CTIF: variants seen among roughly 807,000 people sequenced by gnomAD.
CTIF encodes the protein cap binding complex dependent translation initiation factor.
Under a neutral mutation model 66.0 loss-of-function variants are expected in CTIF, and 21 were observed. The ratio of observed to expected loss-of-function variants is 0.32; its 90% CI spans 0.23 to 0.46. CTIF has a LOEUF of 0.46. CTIF is among the 20% of genes least tolerant of loss of function. The pLI is 1.00. For synonymous variants in CTIF, 345 were observed against 326.4 expected (o/e 1.06, Z -0.62); for missense variants, 739 against 812.7 (o/e 0.91, Z 1.10).
intron 9 of CTIF, among the ~76,000 whole-genome samples, chr18:48,770,487 G>A (rs1470665395): frequency 6.6e-6 from 1 of 152,270 alleles, no homozygotes; most frequent in Non-Finnish European, 1.5e-5. Context: ...GAGGCTGAGG[G>A]AGCCTTGGAC....
intron 1 of CTIF, among the ~76,000 whole-genome samples, chr18:48,597,782 C>T (rs2090013992): frequency 6.6e-6 from 1 of 152,178 alleles, no homozygotes; most frequent in Non-Finnish European, 1.5e-5. Context: ...AATGGCCTAA[C>T]ACAGGTGGAT....
intron 9 of CTIF, among the ~76,000 whole-genome samples, chr18:48,776,040 C>T (rs9959858): frequency 5.9e-4 from 90 of 152,358 alleles, no homozygotes; most frequent in African/African-American, 2.0e-3. Flanking sequence ...AGTTTCCTGC[C>T]AGCCTTGGGC....
At chr18:48,688,691 C>T (rs1459439788) in intron 6 of CTIF, among the ~76,000 whole-genome samples, 1 of 152,224 alleles carries the variant, frequency 6.6e-6, no homozygotes, top group Non-Finnish European at 1.5e-5. Flanking sequence ...GGTCGCTGGT[C>T]TTCCCACACA....
intron 7 of CTIF, among the ~76,000 whole-genome samples, chr18:48,748,998 C>T (rs1907528642): frequency 6.6e-6 from 1 of 152,192 alleles, no homozygotes; most frequent in Admixed American, 6.5e-5. Context: ...GCCCCTTCTC[C>T]CCAGCCCTCT....
At chr18:48,834,083 G>A (rs1273843131) in intron 10 of CTIF, among the ~76,000 whole-genome samples, 1 of 147,342 alleles carries the variant, frequency 6.8e-6, no homozygotes, top group Non-Finnish European at 1.5e-5. Flanking sequence ...CTCTGTAGAT[G>A]AGGGTCGGCA....
chr18:48,801,635 A>G (rs954231445), intron 9 of CTIF, among the ~76,000 whole-genome samples: 2 of 152,202 alleles, frequency 1.3e-5, no homozygotes, highest in East Asian at 1.9e-4. Context: ...CTCAAATTCT[A>G]TAAATAGCTT....
In CTIF at chr18:48,636,676, C is replaced by A. The variant is rs953323569; in HGVS notation, c.243C>A (p.Pro81=). ...SSCSFSRGRA[P]PQQNGSKDNS... ...GTTCCTTCTCCCGAGGGCGAGCCCC[C>A]CCACAGCAGGTAGGGAACCAGCTCT... is the stretch of plus-strand genomic sequence containing the variant. The change falls in exon 3 of 12, where the codon CCC becomes CCA. Residue 81 remains proline, a synonymous_variant. Coordinates refer to ENST00000256413, the MANE Select transcript of CTIF (RefSeq NM_014772.3). 1.9e-6 allele frequency: 3 copies of A among 1,598,936 alleles called. No homozygotes were observed. The highest frequency in any genetic ancestry group is 2.6e-6 in the Non-Finnish European group (3 of 1,173,988).
At chr18:48,806,859 G>A (rs1171996235) in intron 9 of CTIF, among the ~76,000 whole-genome samples, 1 of 152,202 alleles carries the variant, frequency 6.6e-6, no homozygotes, top group Non-Finnish European at 1.5e-5. Context: ...GCAGGAAATA[G>A]CAGTACGTCA....
intron 7 of CTIF, among the ~76,000 whole-genome samples, chr18:48,751,402 C>A (rs1332800581): frequency 6.6e-6 from 1 of 152,152 alleles, no homozygotes; most frequent in African/African-American, 2.4e-5. Flanking sequence ...AAGCTAGAGA[C>A]CTGTTTCTGT....
intron 9 of CTIF, among the ~76,000 whole-genome samples, chr18:48,798,795 G>A (rs1480794987): frequency 6.6e-6 from 1 of 152,210 alleles, no homozygotes; most frequent in Non-Finnish European, 1.5e-5. Context: ...TTTGCCTCCA[G>A]CAGACACTTG....
chr18:48,704,155 G>A (rs2092121175), intron 6 of CTIF, among the ~76,000 whole-genome samples: 1 of 152,140 alleles, frequency 6.6e-6, no homozygotes, highest in East Asian at 1.9e-4. Context: ...TGCTCCTGGG[G>A]GGTTGGCCTC....
chr18:48,767,193 T>C (rs1286324732), intron 9 of CTIF, among the ~76,000 whole-genome samples: 1 of 152,118 alleles, frequency 6.6e-6, no homozygotes, highest in Non-Finnish European at 1.5e-5. Flanking sequence ...GGTGCCTGGG[T>C]TAGAGAAGGA....
intron 1 of CTIF, among the ~76,000 whole-genome samples, chr18:48,611,569 A>G (rs1163787674): frequency 1.3e-5 from 2 of 152,236 alleles, no homozygotes; most frequent in Non-Finnish European, 2.9e-5. Flanking sequence ...TTTCAAGTGT[A>G]GTTCTCTGAC....
At chr18:48,833,873 C>A (rs1354542591) in intron 10 of CTIF, among the ~76,000 whole-genome samples, 2 of 152,200 alleles carry the variant, frequency 1.3e-5, no homozygotes, top group Non-Finnish European at 2.9e-5. Flanking sequence ...GTCAGAGGGG[C>A]CTTCCAGATC....
chr18:48,746,085 G>A (rs929571151), intron 7 of CTIF, among the ~76,000 whole-genome samples: 20 of 152,240 alleles, frequency 1.3e-4, no homozygotes, highest in African/African-American at 3.4e-4. Flanking sequence ...GGCTGGCGGC[G>A]TTCTCCGCCA....
At chr18:48,627,872 T>C (rs1001528526) in intron 2 of CTIF, among the ~76,000 whole-genome samples, 2 of 149,882 alleles carry the variant, frequency 1.3e-5, no homozygotes, top group Non-Finnish European at 3.0e-5. Context: ...GCAGAGGGAG[T>C]GGCCAGGGCA....
At chr18:48,775,706 G>T (rs1027628966) in intron 9 of CTIF, among the ~76,000 whole-genome samples, 1 of 152,256 alleles carries the variant, frequency 6.6e-6, no homozygotes, top group Non-Finnish European at 1.5e-5. Context: ...CCTGTAAGTG[G>T]AGTAGGTTGA....
Position 48,619,057 on chromosome 18 carries a change from C to T in CTIF, c.-28-481C>T, listed in dbSNP as rs541748483. On this transcript the variant is annotated intron_variant, in intron 1 of 11. Coordinates refer to ENST00000256413, the MANE Select transcript of CTIF (RefSeq NM_014772.3). ...CTGGTGACTGAAAAGAAAAAGTCTCCTCTTAAGTAGTCATTTTCTTGGAGG... is the reference window on the plus strand; with the variant it reads ...CTGGTGACTGAAAAGAAAAAGTCTCTTCTTAAGTAGTCATTTTCTTGGAGG... 1.9e-4 allele frequency among the ~76,000 whole-genome samples: 29 copies of T among 152,318 alleles called. 1 individual carries two copies. The South Asian group carries it at 2.1e-3, about 11-fold the overall frequency.
At chr18:48,585,447 C>T (rs1346541955) in intron 1 of CTIF, among the ~76,000 whole-genome samples, 2 of 152,152 alleles carry the variant, frequency 1.3e-5, no homozygotes, top group African/African-American at 2.4e-5. Context: ...CAGTGTGTGG[C>T]ATTCATTGCT....
Sources: allele counts gnomAD v4.1 joint callset (sites outside exome capture counted in the v4.1 genomes callset), GRCh38; gene constraint gnomAD v4.1.1; transcripts MANE v1.5; gene names NCBI Gene and HGNC (gene_info 2026-07-23, HGNC 2026-07-21).